The following CREB3L4 variants were observed in gnomAD, a reference collection of about 807,000 sequenced individuals.
CREB3L4 encodes the protein cAMP responsive element binding protein 3 like 4.
CREB3L4 carries 28 observed loss-of-function variants against 37.0 expected under a neutral mutation model. The ratio of observed to expected loss-of-function variants is 0.76; its 90% confidence interval spans 0.56 to 1.04. The LOEUF (loss-of-function observed/expected upper bound fraction) is 1.04, where lower values mean the gene tolerates loss of function less well. Among genes scored for constraint, CREB3L4 ranks in the 50% least tolerant of loss-of-function variants. The pLI is 0.00. For synonymous variants in CREB3L4, 175 were observed against 192.2 expected (o/e 0.91, Z 0.74); for missense variants, 462 against 486.0 (o/e 0.95, Z 0.46).
intron 5 of CREB3L4, 44 bp from the exon 6 acceptor site, chr1:153,972,928 G>T (rs374948060): frequency 1.6e-5 from 26 of 1,604,710 alleles, no homozygotes; most frequent in Middle Eastern, 3.3e-4. Flanking sequence ...GGGGAGTTGG[G>T]GGCAGGTGAA....
rs981356710 is a variant in CREB3L4 at position 153,968,717 on chromosome 1, G to A, written c.174+18G>A. On this transcript the variant is annotated intron_variant, in intron 2 of 9. Coordinates refer to ENST00000368607, the MANE Select transcript of CREB3L4 (RefSeq NM_001255978.2). ...GTGGCTGTGTGAGTGTGACGAGTGG[G>A]AGTGGGGGTGGGGTTGAGACACAAC... 3 of 1,613,510 alleles carry A rather than the reference G, an allele frequency of 1.9e-6. No homozygotes were observed. The highest frequency in any genetic ancestry group is 2.5e-6 in the Non-Finnish European group (3 of 1,179,844).
At chr1:153,969,675 A>G (rs1266372107) in intron 4 of CREB3L4, 5 of 516,644 alleles carry the variant, frequency 9.7e-6, no homozygotes, top group South Asian at 2.1e-5. Context: ...CAGTGGTGCA[A>G]TCACGGCTCA....
At chr1:153,971,935 G>A (rs1406620740) in intron 4 of CREB3L4, among the ~76,000 whole-genome samples, 1 of 152,102 alleles carries the variant, frequency 6.6e-6, no homozygotes, top group East Asian at 1.9e-4. Context: ...CGATTCTCCT[G>A]CCTCAGCCTC....
At chr1:153,969,290 G>A (rs771465342) in intron 3 of CREB3L4, 44 bp from the exon 4 acceptor site, 1 of 1,614,202 alleles carries the variant, frequency 6.2e-7, no homozygotes, top group Non-Finnish European at 8.5e-7. Context: ...CTGTCAGGGT[G>A]TTCCTAAGTC....
chr1:153,971,443 T>C (rs1169585798), intron 4 of CREB3L4, among the ~76,000 whole-genome samples: 1 of 152,024 alleles, frequency 6.6e-6, no homozygotes, highest in Non-Finnish European at 1.5e-5. Flanking sequence ...GCTTTGTTAT[T>C]TCTTTATTGT....
rs751387127 is a variant in CREB3L4 at position 153,969,345 on chromosome 1, C to A, written c.433C>A (p.Pro145Thr). 6.2e-7 allele frequency: 1 copy of A among 1,614,206 alleles called. No homozygotes were observed. Among genetic ancestry groups the A allele is most frequent in the Non-Finnish European group, 8.5e-7 (1 of 1,180,032 alleles). ...LISIQLDQWSPAFMVPDSCMV... is the reference protein window; with the variant it reads ...LISIQLDQWSTAFMVPDSCMV... ...GTTTTCTACTCCAGATCAGTGGAGC[C>A]CAGCATTTATGGTGCCTGATTCCTG... The change falls in exon 4 of 10, where the codon CCA becomes ACA. Residue 145 changes from proline (P) to threonine (T), a missense_variant. Transcript: ENST00000368607.
chr1:153,970,973 GAC>G (rs1648305375), intron 4 of CREB3L4, among the ~76,000 whole-genome samples: 3 of 147,846 alleles, frequency 2.0e-5, no homozygotes, highest in Admixed American at 2.0e-4. Context: ...TTGATCTCTT[GAC>G]CTTGTGATCC....
At chr1:153,969,679 C>T (rs943778752) in intron 4 of CREB3L4, 9 of 507,748 alleles carry the variant, frequency 1.8e-5, no homozygotes, top group South Asian at 4.3e-5. Context: ...GGTGCAATCA[C>T]GGCTCACTGC....
At chr1:153,970,579 C>A (rs1557883890) in intron 4 of CREB3L4, among the ~76,000 whole-genome samples, 1 of 152,040 alleles carries the variant, frequency 6.6e-6, no homozygotes, top group Non-Finnish European at 1.5e-5. Flanking sequence ...GTCTGGGCAG[C>A]GTCCAAGGCT....
Position 153,972,989 on chromosome 1 carries a change from CAAG to C in CREB3L4, c.658_660del (p.Lys220del), listed in dbSNP as rs778091329. 16 of 1,613,974 alleles carry C rather than the reference CAAG, an allele frequency of 9.9e-6. No homozygotes were observed. Among genetic ancestry groups the C allele is most frequent in the South Asian group, 6.6e-5 (6 of 91,076 alleles). ...CCTCCAAGGCAGAGGAGAGGGTCCT[CAAG>C]AAGGTCAGGAGGAAAATCCGTAACA... On this transcript the variant is annotated inframe_deletion, in exon 6 of 10. Coordinates refer to ENST00000368607, the MANE Select transcript of CREB3L4 (RefSeq NM_001255978.2).
intron 4 of CREB3L4, 78 bp from the exon 5 acceptor site, chr1:153,972,666 G>A: frequency 8.8e-7 from 1 of 1,139,592 alleles, no homozygotes; most frequent in South Asian, 1.4e-5. Flanking sequence ...AAGGCATGTG[G>A]GGGGAGTAGC....
intron 4 of CREB3L4, among the ~76,000 whole-genome samples, chr1:153,970,964 T>C (rs1304015120): frequency 3.4e-5 from 5 of 148,112 alleles, no homozygotes; most frequent in Non-Finnish European, 7.5e-5. Context: ...AGGATGGTCT[T>C]GATCTCTTGA....
chr1:153,968,436 G>A, intron 1 of CREB3L4, 86 bp from the exon 2 acceptor site: 1 of 1,256,528 alleles, frequency 8.0e-7, no homozygotes, highest in Non-Finnish European at 1.1e-6. Flanking sequence ...ATGGAAAAGG[G>A]AGCAGAGGAG....
Position 153,973,214 on chromosome 1 carries a change from C to T in CREB3L4, c.763C>T (p.Gln255Ter). 1 of 1,614,098 alleles carries T rather than the reference C, an allele frequency of 6.2e-7. No individual in the cohort carries two copies. Among genetic ancestry groups the T allele is most frequent in the Non-Finnish European group, 8.5e-7 (1 of 1,180,026 alleles). Reference sequence around the variant, plus strand: ...TTCTAGGGTGGCAGCCTGTTCTGCACAGAACCAAGAATTACAGAAAAAAGT... The same window carrying T: ...TTCTAGGGTGGCAGCCTGTTCTGCATAGAACCAAGAATTACAGAAAAAAGT... The part of the protein sequence containing the change: ...LESRVAACSA[Q>*]NQELQKKVQE... Residue 255 changes from glutamine (Q) to a stop codon, truncating the protein, a stop_gained, in exon 7 of 10, where the codon CAG (glutamine) becomes TAG (stop). Transcript: ENST00000368607. LOFTEE classifies it high-confidence loss of function.
In CREB3L4 at chr1:153,973,256, CACA is replaced by C. The variant is rs760103702; in HGVS notation, c.809_811del (p.Asn270del). On this transcript the variant is annotated inframe_deletion, in exon 7 of 10. Coordinates refer to ENST00000368607, the MANE Select transcript of CREB3L4 (RefSeq NM_001255978.2). ...GAAAAAAGTCCAGGAGCTGGAGAGG[CACA>C]ACATGTGAGTGAAAGCATTGTGTGT... The C allele has an allele frequency of 8.7e-6, 14 of 1,613,926 alleles. No homozygotes were observed. Among genetic ancestry groups the C allele is most frequent in the African/African-American group, 2.7e-5 (2 of 74,896 alleles).
chr1:153,968,739 C>G, intron 2 of CREB3L4, 40 bp downstream of exon 2: 1 of 1,610,918 alleles, frequency 6.2e-7, no homozygotes, highest in Non-Finnish European at 8.5e-7. Context: ...GGTTGAGACA[C>G]AACTCTGTGA....
At chr1:153,971,062 C>G (rs1648315380) in intron 4 of CREB3L4, among the ~76,000 whole-genome samples, 1 of 130,742 alleles carries the variant, frequency 7.6e-6, no homozygotes, top group Non-Finnish European at 1.6e-5. Context: ...GAATCTTGAG[C>G]TGAGGAACCT....
chr1:153,974,136 C>A lies in CREB3L4; in HGVS notation c.*71C>A. ...TGGGCTTCCTTATGGCTTTGCTTCCCACTGGGATTCCTACTTAGGTGTCTG... is the reference window on the plus strand; with the variant it reads ...TGGGCTTCCTTATGGCTTTGCTTCCAACTGGGATTCCTACTTAGGTGTCTG... On this transcript the variant is annotated 3_prime_UTR_variant, in exon 10 of 10. Coordinates refer to ENST00000368607, the MANE Select transcript of CREB3L4 (RefSeq NM_001255978.2). The A allele has an allele frequency of 6.9e-7, 1 of 1,446,134 alleles. No homozygotes were observed. Among genetic ancestry groups the A allele is most frequent in the Non-Finnish European group, 9.5e-7 (1 of 1,057,016 alleles). 89.6% of individuals were successfully genotyped at this position (1,446,134 alleles called of 1,614,324 possible).
At chr1:153,969,616 T>C (rs1648149782) in intron 4 of CREB3L4, 161 bp downstream of exon 4, 1 of 749,334 alleles carries the variant, frequency 1.3e-6, no homozygotes, top group Non-Finnish European at 2.1e-6. Flanking sequence ...AGTTGAACTA[T>C]TTTTTATTTT....
Sources: allele counts gnomAD v4.1 joint callset (sites outside exome capture counted in the v4.1 genomes callset), GRCh38; gene constraint gnomAD v4.1.1; transcripts MANE v1.5; gene names NCBI Gene and HGNC (gene_info 2026-07-23, HGNC 2026-07-21).